The following AFG1L variants were observed in gnomAD, a reference collection of about 807,000 sequenced individuals.
AFG1L encodes the protein AFG1-like ATPase.
In AFG1L, 53 loss-of-function variants were observed where a neutral mutation model predicts 62.2. The observed-to-expected ratio is 0.85, with a 90% CI of 0.68 to 1.07. The LOEUF (loss-of-function observed/expected upper bound fraction) is 1.07. AFG1L is among the 50% of genes least tolerant of loss of function. The probability of loss-of-function intolerance (pLI) is 0.00; values close to 1 mark genes in which losing one functional copy is unlikely to be tolerated. For synonymous variants in AFG1L, 228 were observed against 210.3 expected (o/e 1.08, Z -0.73); for missense variants, 555 against 590.5 (o/e 0.94, Z 0.62).
chr6:108,415,503 C>G (rs1032790531), intron 7 of AFG1L, among the ~76,000 whole-genome samples: 1 of 152,152 alleles, frequency 6.6e-6, no homozygotes. Context: ...AGGCATCACG[C>G]TACCTGACTT....
At chr6:108,389,214 G>GTT (rs1298797826) in intron 6 of AFG1L, among the ~76,000 whole-genome samples, 3 of 151,600 alleles carry the variant, frequency 2.0e-5, no homozygotes, top group African/African-American at 7.3e-5. Context: ...GCCTTTTTTT[G>GTT]TTTTCCATTT....
chr6:108,310,076 A>T (rs1777345637), intron 1 of AFG1L, among the ~76,000 whole-genome samples: 1 of 152,122 alleles, frequency 6.6e-6, no homozygotes, highest in South Asian at 2.1e-4. Flanking sequence ...CAGGTGGGTG[A>T]TGTATACTCA....
intron 8 of AFG1L, among the ~76,000 whole-genome samples, chr6:108,471,608 C>T (rs1309890287): frequency 1.3e-5 from 2 of 151,480 alleles, no homozygotes; most frequent in African/African-American, 2.4e-5. Context: ...TTACAGGTCC[C>T]GCCACCATGC....
At chr6:108,502,442 TG>T in intron 10 of AFG1L, among the ~76,000 whole-genome samples, 1 of 152,296 alleles carries the variant, frequency 6.6e-6, no homozygotes, top group Middle Eastern at 3.4e-3. Context: ...CTGCCTCAGG[TG>T]ATCCACTCGC....
chr6:108,356,831 G>A lies in AFG1L; in HGVS notation c.648+11G>A, dbSNP rs1159157493. 6.2e-7 allele frequency: 1 copy of A among 1,602,842 alleles called. No homozygotes were observed. Among genetic ancestry groups the A allele is most frequent in the South Asian group, 1.1e-5 (1 of 88,446 alleles). ...TTTGATGAATTTCAGGTAAAGTAGA[G>A]ATTTTTCATAGATATAGAATGGTAT... On this transcript the variant is annotated intron_variant, in intron 5 of 12. Coordinates refer to ENST00000368977, the MANE Select transcript of AFG1L (RefSeq NM_145315.5).
At chr6:108,327,304 A>G (rs887553897) in intron 2 of AFG1L, among the ~76,000 whole-genome samples, 1 of 152,246 alleles carries the variant, frequency 6.6e-6, no homozygotes, top group African/African-American at 2.4e-5. Flanking sequence ...AGGCATCTCC[A>G]TGACACAGCT....
intron 1 of AFG1L, among the ~76,000 whole-genome samples, chr6:108,316,955 A>G (rs1249055409): frequency 6.6e-6 from 1 of 152,216 alleles, no homozygotes. Context: ...ATTAATTTTG[A>G]AATATACAAT....
intron 5 of AFG1L, among the ~76,000 whole-genome samples, chr6:108,365,006 G>A (rs1009271601): frequency 2.6e-5 from 4 of 151,814 alleles, no homozygotes; most frequent in Non-Finnish European, 5.9e-5. Context: ...ATAACCATTC[G>A]GTTTGTAACT....
chr6:108,508,537 C>T (rs562731408), intron 10 of AFG1L, among the ~76,000 whole-genome samples: 3 of 152,276 alleles, frequency 2.0e-5, no homozygotes, highest in South Asian at 2.1e-4. Flanking sequence ...CCAAAGGACT[C>T]GGGTCATTCT....
At chr6:108,521,099 C>G (rs1374096073) in intron 12 of AFG1L, 1 of 152,202 alleles carries the variant, frequency 6.6e-6, no homozygotes, top group Non-Finnish European at 1.5e-5. Context: ...GAAACCATCC[C>G]CCTGCCCCTG....
intron 1 of AFG1L, among the ~76,000 whole-genome samples, chr6:108,310,676 G>A (rs1393864844): frequency 6.6e-6 from 1 of 150,796 alleles, no homozygotes; most frequent in East Asian, 1.9e-4. Context: ...CCGGGCTCAA[G>A]TGATTCTCGT....
chr6:108,444,655 G>A (rs1051913604), intron 7 of AFG1L, among the ~76,000 whole-genome samples: 1 of 152,206 alleles, frequency 6.6e-6, no homozygotes, highest in African/African-American at 2.4e-5. Context: ...TGATGACCAA[G>A]TGGATTGTCA....
rs994921260 is a variant in AFG1L at position 108,363,273 on chromosome 6, G to A, written c.649-2960G>A. ...GGTGTGTGTGCAGGTTTGTTATATA[G>A]GTAAACATGTGTCACAAGAGTTTGC... On this transcript the variant is annotated intron_variant, in intron 5 of 12. Transcript: ENST00000368977. 2.0e-5 allele frequency among the ~76,000 whole-genome samples: 3 copies of A among 152,000 alleles called. No homozygotes were observed. In the East Asian group the frequency reaches 5.8e-4, roughly 29 times the overall value.
At chr6:108,379,676 T>C (rs543219327) in intron 6 of AFG1L, among the ~76,000 whole-genome samples, 1 of 152,290 alleles carries the variant, frequency 6.6e-6, no homozygotes, top group Admixed American at 6.5e-5. Flanking sequence ...TTCCTAGGTG[T>C]GGAGCTGGGA....
chr6:108,460,756 G>A (rs1366195690), intron 8 of AFG1L, among the ~76,000 whole-genome samples: 2 of 152,146 alleles, frequency 1.3e-5, no homozygotes, highest in African/African-American at 4.8e-5. Flanking sequence ...AGGAGATTGA[G>A]ACCATCCTGG....
intron 7 of AFG1L, among the ~76,000 whole-genome samples, chr6:108,415,779 A>C (rs1246649418): frequency 6.6e-6 from 1 of 152,242 alleles, no homozygotes; most frequent in Non-Finnish European, 1.5e-5. Flanking sequence ...TTCAAGATGG[A>C]TTAAAGACTT....
At chr6:108,393,408 T>G (rs1781145309) in intron 6 of AFG1L, among the ~76,000 whole-genome samples, 1 of 152,132 alleles carries the variant, frequency 6.6e-6, no homozygotes, top group Non-Finnish European at 1.5e-5. Flanking sequence ...AGCCAAATGA[T>G]TTCTGTTTAG....
At chr6:108,447,400 G>T in intron 8 of AFG1L, 104 bp downstream of exon 8, 1 of 615,948 alleles carries the variant, frequency 1.6e-6, no homozygotes, top group South Asian at 2.3e-5. Flanking sequence ...TGGTTCTGAA[G>T]CCCATGATTT....
chr6:108,335,461 A>G (rs528226754), intron 2 of AFG1L, among the ~76,000 whole-genome samples: 1 of 152,312 alleles, frequency 6.6e-6, no homozygotes, highest in African/African-American at 2.4e-5. Flanking sequence ...GTGTGCCTAT[A>G]TCCACGTATG....
Sources: gnomAD v4.1 joint callset for allele counts (sites outside exome capture counted in the v4.1 genomes callset) on GRCh38, gnomAD v4.1.1 for gene constraint, MANE v1.5 for transcripts, NCBI Gene and HGNC (gene_info 2026-07-23, HGNC 2026-07-21) for gene names.